Variants in SPIRE1 observed in about 807,000 individuals in gnomAD.
SPIRE1 encodes spire type actin nucleation factor 1, also known as protein spire homolog 1.
A neutral mutation model predicts 94.1 loss-of-function variants in SPIRE1; 40 were observed. The observed-to-expected ratio is 0.43, with a 90% CI of 0.33 to 0.55. The LOEUF (loss-of-function observed/expected upper bound fraction) is 0.55, where lower values mean the gene tolerates loss of function less well. Ranked by LOEUF, SPIRE1 falls within the 20% of genes least tolerant of loss-of-function variation. The probability of loss-of-function intolerance (pLI) is 0.06; values close to 1 mark genes in which losing one functional copy is unlikely to be tolerated. For missense variants in SPIRE1, 838 were observed against 975.2 expected, an observed-to-expected ratio of 0.86 and a Z score of 1.87; for synonymous variants, 376 against 371.7, an observed-to-expected ratio of 1.01 and a Z score of -0.13.
intron 4 of SPIRE1, among the ~76,000 whole-genome samples, chr18:12,531,858 A>T (rs1406433624): frequency 6.6e-6 from 1 of 152,214 alleles, no homozygotes; most frequent in African/African-American, 2.4e-5. Context: ...TTTACAATTG[A>T]AACTGCCCCC....
intron 13 of SPIRE1, among the ~76,000 whole-genome samples, chr18:12,453,528 G>A (rs925534768): frequency 1.3e-5 from 2 of 151,440 alleles, no homozygotes; most frequent in African/African-American, 4.9e-5. Context: ...CCGCCTCCTG[G>A]GTTCACGCCA....
chr18:12,569,220 G>A (rs557492753), intron 2 of SPIRE1, among the ~76,000 whole-genome samples: 1 of 152,032 alleles, frequency 6.6e-6, no homozygotes, highest in African/African-American at 2.4e-5. Context: ...GCAGGCACCT[G>A]TATTCCCAGC....
intron 1 of SPIRE1, among the ~76,000 whole-genome samples, chr18:12,636,037 C>T (rs1476861488): frequency 1.3e-5 from 2 of 152,044 alleles, no homozygotes; most frequent in African/African-American, 4.8e-5. Context: ...GGACTACAGG[C>T]ACCCACCACC....
intron 12 of SPIRE1, among the ~76,000 whole-genome samples, chr18:12,459,061 C>T (rs1302971294): frequency 6.6e-6 from 1 of 152,124 alleles, no homozygotes; most frequent in Non-Finnish European, 1.5e-5. Context: ...GCAGAAGAGG[C>T]TTCAATATGG....
chr18:12,554,513 A>C (rs569264569), intron 2 of SPIRE1, among the ~76,000 whole-genome samples: 1 of 152,202 alleles, frequency 6.6e-6, no homozygotes, highest in African/African-American at 2.4e-5. Flanking sequence ...GCTTCCCAGC[A>C]AAGAAAATCC....
intron 4 of SPIRE1, among the ~76,000 whole-genome samples, chr18:12,531,354 T>C (rs567597488): frequency 3.5e-4 from 54 of 152,350 alleles, no homozygotes; most frequent in Admixed American, 6.5e-4. Flanking sequence ...TCTTTCTGAC[T>C]CACATATTCT....
At chr18:12,642,349 C>T (rs994493089) in intron 1 of SPIRE1, among the ~76,000 whole-genome samples, 6 of 152,232 alleles carry the variant, frequency 3.9e-5, no homozygotes, top group Admixed American at 3.3e-4. Flanking sequence ...GAAGCTCCCA[C>T]TTTATTTTTG....
At chr18:12,517,050 A>T (rs562155681) in intron 4 of SPIRE1, among the ~76,000 whole-genome samples, 2 of 152,190 alleles carry the variant, frequency 1.3e-5, no homozygotes, top group Non-Finnish European at 2.9e-5. Context: ...GACTTTGGGG[A>T]AATTTTTAAA....
At chr18:12,587,606 A>G (rs1474071058) in intron 2 of SPIRE1, among the ~76,000 whole-genome samples, 1 of 152,118 alleles carries the variant, frequency 6.6e-6, no homozygotes, top group Non-Finnish European at 1.5e-5. Context: ...AGGCCTGCAG[A>G]ATTAGAAACC....
chr18:12,494,605 G>A lies in SPIRE1; in HGVS notation c.1060-1404C>T, dbSNP rs575849114. ...AGCACTTTGGGAGGCCGAGGTGGGC[G>A]GATCACGAGGTCAGGAAATCAAGAT... On this transcript the variant is annotated intron_variant, in intron 7 of 16. Transcript: ENST00000409402. 3.3e-5 allele frequency among the ~76,000 whole-genome samples: 5 copies of A among 151,814 alleles called. No individual in the cohort carries two copies. In the South Asian group the frequency reaches 6.2e-4, roughly 19 times the overall value.
chr18:12,513,658 G>A (rs1465154614), intron 4 of SPIRE1, among the ~76,000 whole-genome samples: 1 of 151,962 alleles, frequency 6.6e-6, no homozygotes, highest in African/African-American at 2.4e-5. Context: ...CGAGTAGCTA[G>A]GAGTACAGGC....
intron 3 of SPIRE1, among the ~76,000 whole-genome samples, chr18:12,542,789 A>AT (rs1368561366): frequency 1.3e-5 from 2 of 152,028 alleles, no homozygotes; most frequent in Non-Finnish European, 2.9e-5. Context: ...AGACATTATT[A>AT]TTTTTTGCTG....
At chr18:12,571,344 G>C (rs2035956244) in intron 2 of SPIRE1, among the ~76,000 whole-genome samples, 1 of 152,096 alleles carries the variant, frequency 6.6e-6, no homozygotes, top group Non-Finnish European at 1.5e-5. Flanking sequence ...CAAAGTGCTG[G>C]GATTACAGGC....
chr18:12,452,890 G>T (rs1183343703), intron 14 of SPIRE1, among the ~76,000 whole-genome samples, 178 bp downstream of exon 14: 1 of 152,006 alleles, frequency 6.6e-6, no homozygotes, highest in Non-Finnish European at 1.5e-5. Context: ...ATAAATATTT[G>T]GCTCACTCTC....
intron 1 of SPIRE1, chr18:12,652,882 G>C (rs2038420982): frequency 6.6e-6 from 1 of 152,172 alleles, no homozygotes; most frequent in South Asian, 2.1e-4. Flanking sequence ...TAAAGCCTAT[G>C]AAGTACTATT....
At chr18:12,545,854 G>T (rs1005776110) in intron 3 of SPIRE1, among the ~76,000 whole-genome samples, 2 of 152,138 alleles carry the variant, frequency 1.3e-5, no homozygotes, top group Admixed American at 1.3e-4. Flanking sequence ...CAGTCAAGCT[G>T]ATACATGACA....
chr18:12,655,921 C>T (rs990313828), intron 1 of SPIRE1, among the ~76,000 whole-genome samples: 4 of 151,814 alleles, frequency 2.6e-5, no homozygotes, highest in South Asian at 2.1e-4. Context: ...TTTTTTGAGA[C>T]GGCGTCTCGC....
chr18:12,569,152 A>G (rs2035891305), intron 2 of SPIRE1, among the ~76,000 whole-genome samples: 1 of 152,122 alleles, frequency 6.6e-6, no homozygotes, highest in Non-Finnish European at 1.5e-5. Context: ...CATCCTGGCT[A>G]ACACGGTGAA....
At chr18:12,502,336 T>C (rs1363342237) in intron 6 of SPIRE1, among the ~76,000 whole-genome samples, 1 of 152,182 alleles carries the variant, frequency 6.6e-6, no homozygotes, top group Non-Finnish European at 1.5e-5. Context: ...ATAAATCAAA[T>C]AGAAATGTTA....
Sources: allele counts gnomAD v4.1 joint callset (sites outside exome capture counted in the v4.1 genomes callset), GRCh38; gene constraint gnomAD v4.1.1; transcripts MANE v1.5; gene names NCBI Gene and HGNC (gene_info 2026-07-23, HGNC 2026-07-21).